CTNNA2: variants seen among roughly 807,000 people sequenced by gnomAD.
The protein encoded by CTNNA2 is catenin alpha-2.
CTNNA2 carries 42 observed loss-of-function variants against 101.0 expected under a neutral mutation model. The ratio of observed to expected loss-of-function variants is 0.42; its 90% CI spans 0.32 to 0.54. The LOEUF (loss-of-function observed/expected upper bound fraction) is 0.54, where lower values mean the gene tolerates loss of function less well. Among genes scored for constraint, CTNNA2 ranks in the 20% least tolerant of loss-of-function variants. CTNNA2 has a pLI of 0.14. For missense variants in CTNNA2, 871 were observed against 1,223.1 expected, an observed-to-expected ratio of 0.71 and a Z score of 4.29; for synonymous variants, 450 against 456.4, an observed-to-expected ratio of 0.99 and a Z score of 0.18.
intron 3 of CTNNA2, among the ~76,000 whole-genome samples, chr2:79,747,217 G>C (rs1192033988): frequency 1.4e-5 from 2 of 146,882 alleles, no homozygotes; most frequent in Non-Finnish European, 3.0e-5. Context: ...GTATATTTGT[G>C]TATGTGTTTT....
chr2:80,323,544 C>G (rs1440686574), intron 7 of CTNNA2, among the ~76,000 whole-genome samples: 1 of 152,134 alleles, frequency 6.6e-6, no homozygotes, highest in Admixed American at 6.5e-5. Flanking sequence ...ATCTCTGCCT[C>G]TATGCAGCAT....
At chr2:79,597,683 G>T (rs62140069) in intron 1 of CTNNA2, among the ~76,000 whole-genome samples, 7,020 of 152,034 alleles carry the variant, frequency 0.046, 228 homozygotes, top group Non-Finnish European at 0.066. Context: ...AAATTATAGA[G>T]AGTTACCAAA....
rs568027042 is a variant in CTNNA2 at position 79,806,343 on chromosome 2, G to GGA, written c.299-51662_299-51661dup. 1.7e-3 allele frequency among the ~76,000 whole-genome samples: 266 copies of GGA among 152,316 alleles called. 2 individuals are homozygous for GGA. The highest frequency in any genetic ancestry group is 6.3e-3 in the African/African-American group (263 of 41,578). On this transcript the variant is annotated intron_variant, in intron 3 of 18. Coordinates refer to ENST00000402739, the MANE Select transcript of CTNNA2 (RefSeq NM_001282597.3). ...GCAACTTAGAGGACGTTTTGAAGGT[G>GGA]GAGAGAGAGGTGTATGTGTTCAGAC... is the stretch of plus-strand genomic sequence containing the variant.
At chr2:80,531,594 A>G (rs1209291768) in intron 9 of CTNNA2, among the ~76,000 whole-genome samples, 2 of 152,202 alleles carry the variant, frequency 1.3e-5, no homozygotes, top group Admixed American at 1.3e-4. Context: ...AATGTTTGGG[A>G]TGGTGGAGAA....
At chr2:79,868,532 C>A (rs367809757) in intron 4 of CTNNA2, among the ~76,000 whole-genome samples, 4 of 152,232 alleles carry the variant, frequency 2.6e-5, no homozygotes, top group Non-Finnish European at 2.9e-5. Flanking sequence ...TTTGTGATTG[C>A]GTCAAGCCTC....
chr2:80,329,381 A>G (rs1025788345), intron 7 of CTNNA2, among the ~76,000 whole-genome samples: 1 of 152,246 alleles, frequency 6.6e-6, no homozygotes, highest in African/African-American at 2.4e-5. Context: ...GTAAAGACTG[A>G]GAGGAGATGG....
chr2:79,568,901 G>A (rs1048892025), intron 1 of CTNNA2, among the ~76,000 whole-genome samples: 2 of 147,418 alleles, frequency 1.4e-5, no homozygotes, highest in East Asian at 2.0e-4. Context: ...AGGCATGATG[G>A]TATGTGCTCA....
intron 2 of CTNNA2, among the ~76,000 whole-genome samples, chr2:79,203,389 A>G (rs1285375196): frequency 6.6e-6 from 1 of 152,216 alleles, no homozygotes; most frequent in Non-Finnish European, 1.5e-5. Context: ...GAACTAGTTC[A>G]AAGTAAATGT....
chr2:80,254,921 C>G (rs946491092), intron 7 of CTNNA2, among the ~76,000 whole-genome samples: 1 of 152,066 alleles, frequency 6.6e-6, no homozygotes, highest in Non-Finnish European at 1.5e-5. Context: ...ACTGGGTGCT[C>G]TCACTCTCCC....
chr2:80,212,574 GA>G (rs202053627), intron 7 of CTNNA2, among the ~76,000 whole-genome samples: 4,537 of 152,260 alleles, frequency 0.03, 238 homozygotes, highest in African/African-American at 0.1. Context: ...AAGCCAACTT[GA>G]TCGTGGTGGA....
chr2:80,167,851 T>C (rs1295166949), intron 7 of CTNNA2, among the ~76,000 whole-genome samples: 5 of 152,088 alleles, frequency 3.3e-5, no homozygotes, highest in African/African-American at 1.2e-4. Flanking sequence ...AGCTAATACG[T>C]GATTGTAACT....
chr2:79,564,155 G>A (rs895748407), intron 1 of CTNNA2, among the ~76,000 whole-genome samples: 2 of 151,882 alleles, frequency 1.3e-5, no homozygotes, highest in African/African-American at 2.4e-5. Context: ...GATAAAAACC[G>A]CATGCTGAGC....
At chr2:79,201,848 A>G (rs143537118) in intron 2 of CTNNA2, among the ~76,000 whole-genome samples, 16 of 152,266 alleles carry the variant, frequency 1.1e-4, no homozygotes, top group African/African-American at 3.6e-4. Context: ...AATGTTAAGG[A>G]TATGCCCATG....
chr2:80,313,649 G>T, intron 7 of CTNNA2: 2 of 1,604,298 alleles, frequency 1.2e-6, no homozygotes, highest in South Asian at 1.1e-5. Flanking sequence ...CATGTCTGGA[G>T]CACAGGTATG....
chr2:80,470,388 C>T (rs774664337), intron 9 of CTNNA2, among the ~76,000 whole-genome samples: 1 of 151,274 alleles, frequency 6.6e-6, no homozygotes, highest in African/African-American at 2.5e-5. Context: ...GGTCAGCTGG[C>T]CCCCTGCCTT....
At chr2:80,310,972 CAAAAA>C (rs3040535) in intron 7 of CTNNA2, among the ~76,000 whole-genome samples, 1 of 96,404 alleles carries the variant, frequency 1.0e-5, no homozygotes. Flanking sequence ...GACTCCATCT[CAAAAA>C]AAAAAAAAAA....
intron 7 of CTNNA2, among the ~76,000 whole-genome samples, chr2:80,261,051 G>T (rs1347066787): frequency 6.6e-6 from 1 of 152,130 alleles, no homozygotes; most frequent in Non-Finnish European, 1.5e-5. Context: ...GACTCTGCAC[G>T]GTTCTAAACA....
At chr2:80,138,117 A>G (rs1320184884) in intron 7 of CTNNA2, among the ~76,000 whole-genome samples, 1 of 152,162 alleles carries the variant, frequency 6.6e-6, no homozygotes, top group Non-Finnish European at 1.5e-5. Flanking sequence ...ACTCTATTAA[A>G]TCCATAAATA....
intron 7 of CTNNA2, among the ~76,000 whole-genome samples, chr2:80,198,625 A>G (rs931791168): frequency 2.6e-5 from 4 of 152,150 alleles, no homozygotes; most frequent in Non-Finnish European, 5.9e-5. Context: ...ATTAGAATCA[A>G]ATTTGCAAGT....
Sources: allele counts gnomAD v4.1 joint callset (sites outside exome capture counted in the v4.1 genomes callset), GRCh38; gene constraint gnomAD v4.1.1; transcripts MANE v1.5; gene names NCBI Gene and HGNC (gene_info 2026-07-23, HGNC 2026-07-21).